The following DHX29 variants were observed in gnomAD, a reference collection of about 807,000 sequenced individuals.
DHX29 encodes DExH-box helicase 29.
A neutral mutation model predicts 167.9 loss-of-function variants in DHX29; 79 were observed. The ratio of observed to expected loss-of-function variants is 0.47; its 90% CI spans 0.39 to 0.57. DHX29 has a LOEUF of 0.57. DHX29 is among the 20% of genes least tolerant of loss of function. DHX29 has a pLI of 0.00. For missense variants in DHX29, 1,347 were observed against 1,593.4 expected (o/e 0.85, Z 2.63); for synonymous variants, 530 against 546.0 (o/e 0.97, Z 0.41).
intron 6 of DHX29, among the ~76,000 whole-genome samples, chr5:55,293,194 G>T (rs1009734568): frequency 8.5e-5 from 13 of 152,166 alleles, no homozygotes; most frequent in Non-Finnish European, 1.5e-4. Context: ...ACAGACATAT[G>T]GGCTGTTTGC....
Position 55,256,277 on chromosome 5 carries a change from GT to G in DHX29, c.*210del. ...TACCAAAGAATTTATTGTAAATGTA[GT>G]GGCAAATACATTCAGAATAATCATC... On this transcript the variant is annotated 3_prime_UTR_variant, in exon 27 of 27. Coordinates refer to ENST00000251636, the MANE Select transcript of DHX29 (RefSeq NM_019030.4). 1 of 376,518 alleles carries G rather than the reference GT, an allele frequency of 2.7e-6. No homozygotes were observed. Among genetic ancestry groups the G allele is most frequent in the Non-Finnish European group, 4.8e-6 (1 of 209,734 alleles). The allele number at this position is 376,518 out of a possible 1,614,324, so 23.3% of individuals were successfully genotyped here.
intron 20 of DHX29, 53 bp downstream of exon 20, chr5:55,270,359 C>G: frequency 1.3e-6 from 2 of 1,512,028 alleles, no homozygotes; most frequent in Non-Finnish European, 1.8e-6. Flanking sequence ...CATTTTTTTT[C>G]TTTTCTAGAA....
chr5:55,261,025 C>T (rs1187450966), intron 25 of DHX29, among the ~76,000 whole-genome samples: 4 of 152,120 alleles, frequency 2.6e-5, no homozygotes, highest in South Asian at 4.1e-4. Context: ...TTTAATTTCT[C>T]ACTGTGTTTG....
chr5:55,304,580 G>A lies in DHX29; in HGVS notation c.187+2807C>T, dbSNP rs758592860. ...CTCCCAAAGTGCTGGGATTACAAGC[G>A]TGAGCCACTGCGCCTAGCCACCTTC... On this transcript the variant is annotated intron_variant, in intron 1 of 26. Transcript: ENST00000251636. Among the ~76,000 whole-genome samples the A allele has an allele frequency of 3.3e-5, 5 of 151,880 alleles. No homozygotes were observed. The East Asian group carries it at 5.8e-4, about 18-fold the overall frequency.
chr5:55,264,131 T>A (rs1212650741), intron 23 of DHX29, among the ~76,000 whole-genome samples: 6 of 148,476 alleles, frequency 4.0e-5, no homozygotes, highest in Admixed American at 3.4e-4. Flanking sequence ...CCCATCTATT[T>A]AAAAAAAAAA....
chr5:55,267,975 T>G (rs972296625), intron 21 of DHX29, among the ~76,000 whole-genome samples, 153 bp from the exon 22 acceptor site: 4 of 152,170 alleles, frequency 2.6e-5, no homozygotes, highest in Non-Finnish European at 5.9e-5. Flanking sequence ...ATTATTATAC[T>G]AATTAATGTT....
chr5:55,306,754 G>A (rs1471614404), intron 1 of DHX29, among the ~76,000 whole-genome samples: 1 of 152,174 alleles, frequency 6.6e-6, no homozygotes, highest in Non-Finnish European at 1.5e-5. Flanking sequence ...CATCTTTTGA[G>A]CTCAACCGTA....
chr5:55,256,432 T>C lies in DHX29; in HGVS notation c.*56A>G, dbSNP rs1037150560. 1 of 1,487,756 alleles carries C rather than the reference T, an allele frequency of 6.7e-7. No individual in the cohort carries two copies. Among genetic ancestry groups the C allele is most frequent in the East Asian group, 2.4e-5 (1 of 42,526 alleles). 92.2% of individuals were successfully genotyped at this position (1,487,756 alleles called of 1,614,324 possible). ...AATGTGATGACCCATTTTCAGATAATTTCATGACTGTATCTTCATCTTAAT... is the reference window on the plus strand; with the variant it reads ...AATGTGATGACCCATTTTCAGATAACTTCATGACTGTATCTTCATCTTAAT... On this transcript the variant is annotated 3_prime_UTR_variant, in exon 27 of 27. Coordinates refer to ENST00000251636, the MANE Select transcript of DHX29 (RefSeq NM_019030.4).
intron 13 of DHX29, 25 bp from the exon 14 acceptor site, chr5:55,276,431 G>A: frequency 6.5e-7 from 1 of 1,545,140 alleles, no homozygotes; most frequent in Non-Finnish European, 8.7e-7. Context: ...GCATATAAAT[G>A]GGTGAATTCA....
At chr5:55,305,577 G>A (rs932414747) in intron 1 of DHX29, among the ~76,000 whole-genome samples, 3 of 152,242 alleles carry the variant, frequency 2.0e-5, no homozygotes, top group Admixed American at 1.3e-4. Context: ...ATGTTGATAT[G>A]CAAGACCAAC....
rs1436304398 is a variant in DHX29, at chr5:55,285,494, T to C, written c.1233-78A>G. 2.2e-6 allele frequency: 3 copies of C among 1,389,864 alleles called. No homozygotes were observed. In the African/African-American group the frequency reaches 4.4e-5, roughly 20 times the overall value. 86.1% of individuals were successfully genotyped at this position (1,389,864 alleles called of 1,614,324 possible). On this transcript the variant is annotated intron_variant, in intron 9 of 26. Transcript: ENST00000251636. The stretch of plus-strand genomic sequence containing the variant: ...AAAAAACTCAGAATTCCATTAACAT[T>C]AAACTCAAGTTTGTTAATTATTTAA...
At chr5:55,280,019 A>G (rs1232515213) in intron 12 of DHX29, among the ~76,000 whole-genome samples, 1 of 152,194 alleles carries the variant, frequency 6.6e-6, no homozygotes, top group African/African-American at 2.4e-5. Flanking sequence ...CTCAATTCAC[A>G]CACTGACTAC....
chr5:55,267,946 TTTTATTATG>T, intron 21 of DHX29, 124 bp from the exon 22 acceptor site: 1 of 447,170 alleles, frequency 2.2e-6, no homozygotes, highest in Non-Finnish European at 3.5e-6. Context: ...ATTTTCAATA[TTTTATTATG>T]TTTATTAGTA....
intron 12 of DHX29, among the ~76,000 whole-genome samples, chr5:55,278,315 G>A (rs561203193): frequency 1.1e-4 from 16 of 152,312 alleles, no homozygotes; most frequent in Non-Finnish European, 4.4e-5. Context: ...GTTTGGAAGG[G>A]AGGCAGTAGG....
chr5:55,297,252 A>G lies in DHX29; in HGVS notation c.375+33T>C, dbSNP rs781111682. The G allele has an allele frequency of 1.9e-6, 2 of 1,036,438 alleles. 1 individual carries two copies. Among genetic ancestry groups the G allele is most frequent in the South Asian group, 2.6e-5 (2 of 75,532 alleles). 64.2% of individuals were successfully genotyped at this position (1,036,438 alleles called of 1,614,324 possible). Reference sequence around the variant, plus strand: ...GGAGCTGTCTAAAAATGCTTCACTAAAACTAAGGAACTTTAAAAAGTTTGC... The same window carrying G: ...GGAGCTGTCTAAAAATGCTTCACTAGAACTAAGGAACTTTAAAAAGTTTGC... On this transcript the variant is annotated intron_variant, in intron 3 of 26. Transcript: ENST00000251636.
intron 1 of DHX29, among the ~76,000 whole-genome samples, chr5:55,299,803 C>G (rs1748510727): frequency 6.6e-6 from 1 of 152,072 alleles, no homozygotes. Context: ...TCTGAGGTTC[C>G]AGGTGGACAT....
chr5:55,269,745 G>A (rs1346502830), intron 20 of DHX29, 108 bp from the exon 21 acceptor site: 13 of 870,866 alleles, frequency 1.5e-5, no homozygotes, highest in Non-Finnish European at 2.3e-5. Flanking sequence ...TGAGCAAAGA[G>A]GGTAAAATGT....
chr5:55,307,534 C>G lies in DHX29; in HGVS notation c.40G>C (p.Ala14Pro). The stretch of plus-strand genomic sequence containing the variant: ...GCAGACACGGCGGCCCGGACCACCG[C>G]GGCCGCTGGAGCCTTGTGTTTCTTG... Reference protein sequence around the residue: ...KNKKHKAPAAAVVRAAVSASR... With the variant: ...KNKKHKAPAAPVVRAAVSASR... The change falls in exon 1 of 27, where the codon GCG becomes CCG. Residue 14 changes from alanine (A) to proline (P), a missense_variant. Physicochemically the swap from Ala to Pro is conservative, Grantham distance 27. Coordinates refer to ENST00000251636, the MANE Select transcript of DHX29 (RefSeq NM_019030.4). 1 of 1,613,526 alleles carries G rather than the reference C, an allele frequency of 6.2e-7. No individual in the cohort carries two copies.
At chr5:55,283,855 T>C (rs753028995) in intron 10 of DHX29, 44 bp from the exon 11 acceptor site, 3 of 1,493,618 alleles carry the variant, frequency 2.0e-6, no homozygotes, top group Non-Finnish European at 2.7e-6. Context: ...AACTATTCAA[T>C]ATGGAAATTC....
Sources: allele counts gnomAD v4.1 joint callset (sites outside exome capture counted in the v4.1 genomes callset), GRCh38; gene constraint gnomAD v4.1.1; transcripts MANE v1.5; gene names NCBI Gene and HGNC (gene_info 2026-07-23, HGNC 2026-07-21).